Variants in PIGU observed in about 807,000 individuals in gnomAD.
PIGU encodes phosphatidylinositol glycan anchor biosynthesis class U.
A neutral mutation model predicts 49.9 loss-of-function variants in PIGU; 24 were observed. That is an observed-to-expected ratio of 0.48 (90% confidence interval 0.35 to 0.68). The LOEUF (loss-of-function observed/expected upper bound fraction) is 0.68, where lower values mean the gene tolerates loss of function less well. Ranked by LOEUF, PIGU falls within the 30% of genes least tolerant of loss-of-function variation. The pLI is 0.01. For synonymous variants in PIGU, 220 were observed against 205.7 expected, an observed-to-expected ratio of 1.07 and a Z score of -0.59; for missense variants, 490 against 532.6, an observed-to-expected ratio of 0.92 and a Z score of 0.79.
At chr20:34,658,706 C>T (rs1255785045) in intron 1 of PIGU, among the ~76,000 whole-genome samples, 1 of 149,724 alleles carries the variant, frequency 6.7e-6, no homozygotes, top group Non-Finnish European at 1.5e-5. Flanking sequence ...GTGAGGAGAC[C>T]CTCTGCCTGA....
chr20:34,626,536 C>T (rs993445696), intron 6 of PIGU, among the ~76,000 whole-genome samples: 2 of 152,038 alleles, frequency 1.3e-5, no homozygotes, highest in African/African-American at 2.4e-5. Context: ...CTCCTGACCT[C>T]GGGTGATCCA....
At chr20:34,661,109 GA>G (rs1986914132) in intron 1 of PIGU, among the ~76,000 whole-genome samples, 1 of 152,124 alleles carries the variant, frequency 6.6e-6, no homozygotes, top group African/African-American at 2.4e-5. Flanking sequence ...ATTCTTAAAT[GA>G]AAAGTAGGTC....
At chr20:34,565,102 A>C (rs1982687962) in intron 11 of PIGU, among the ~76,000 whole-genome samples, 1 of 152,234 alleles carries the variant, frequency 6.6e-6, no homozygotes, top group Admixed American at 6.5e-5. Flanking sequence ...CCCTTTGCCC[A>C]GTCTGGACAG....
chr20:34,637,155 G>A (rs1272770603), intron 5 of PIGU, among the ~76,000 whole-genome samples: 1 of 152,214 alleles, frequency 6.6e-6, no homozygotes, highest in Non-Finnish European at 1.5e-5. Context: ...GCAGAAGGTT[G>A]AGTAAACTAG....
chr20:34,633,808 A>C (rs1985871652), intron 6 of PIGU, among the ~76,000 whole-genome samples: 1 of 152,072 alleles, frequency 6.6e-6, no homozygotes, highest in Non-Finnish European at 1.5e-5. Flanking sequence ...ATCTCAGGCA[A>C]TCCAACCGCC....
In PIGU at chr20:34,573,392, C is replaced by T. The variant is rs116549676; in HGVS notation, c.1194+1712G>A. Among the ~76,000 whole-genome samples, 1,230 of 152,282 alleles carry T rather than the reference C, an allele frequency of 8.1e-3. 20 individuals carry two copies. The highest frequency in any genetic ancestry group is 0.028 in the African/African-American group (1,180 of 41,540). On this transcript the variant is annotated intron_variant, in intron 11 of 11. Coordinates refer to ENST00000217446, the MANE Select transcript of PIGU (RefSeq NM_080476.5). Reference sequence around the variant, plus strand: ...CAGTTTCTCCTGCCTTCAATGGCACCTGACCACTTGCAGACAACCCCCTGT... The same window carrying T: ...CAGTTTCTCCTGCCTTCAATGGCACTTGACCACTTGCAGACAACCCCCTGT...
chr20:34,634,272 A>G (rs949618699), intron 6 of PIGU, among the ~76,000 whole-genome samples: 3 of 151,884 alleles, frequency 2.0e-5, no homozygotes, highest in Admixed American at 6.6e-5. Context: ...AGCTCTTGCT[A>G]TGTTCCCCAG....
chr20:34,649,406 G>A (rs921841502), intron 2 of PIGU, among the ~76,000 whole-genome samples: 3 of 118,580 alleles, frequency 2.5e-5, no homozygotes, highest in Non-Finnish European at 5.4e-5. Flanking sequence ...TTTTTTTTCT[G>A]TGTTTTCTAT....
chr20:34,643,581 A>T (rs1296043989), intron 4 of PIGU: 2 of 152,340 alleles, frequency 1.3e-5, no homozygotes, highest in African/African-American at 4.8e-5. Context: ...TTAATCTGTT[A>T]ACTTTCTCAG....
At chr20:34,628,751 T>C (rs1453477442) in intron 6 of PIGU, among the ~76,000 whole-genome samples, 3 of 152,090 alleles carry the variant, frequency 2.0e-5, no homozygotes, top group Non-Finnish European at 4.4e-5. Flanking sequence ...CTTGAGAAGT[T>C]GAGGCACAAG....
chr20:34,586,841 T>G (rs528507715), intron 8 of PIGU, among the ~76,000 whole-genome samples: 1 of 152,154 alleles, frequency 6.6e-6, no homozygotes, highest in African/African-American at 2.4e-5. Flanking sequence ...CTGTTTAGAA[T>G]TGAGCCCAAA....
intron 8 of PIGU, among the ~76,000 whole-genome samples, chr20:34,586,601 T>C (rs764466413): frequency 2.0e-5 from 3 of 152,012 alleles, no homozygotes; most frequent in African/African-American, 4.8e-5. Flanking sequence ...CTGTCACCTA[T>C]TGGGCTGTGA....
At chr20:34,606,755 T>C (rs1984632193) in intron 7 of PIGU, among the ~76,000 whole-genome samples, 1 of 152,154 alleles carries the variant, frequency 6.6e-6, no homozygotes, top group South Asian at 2.1e-4. Context: ...GATTTTTGTT[T>C]GTTTGTTTTG....
chr20:34,593,677 G>A (rs962995909), intron 7 of PIGU, among the ~76,000 whole-genome samples: 1 of 152,164 alleles, frequency 6.6e-6, no homozygotes, highest in Non-Finnish European at 1.5e-5. Context: ...GGAAAAGGTT[G>A]AATTAGACCT....
chr20:34,666,525 A>AATTT (rs930108626), intron 1 of PIGU, among the ~76,000 whole-genome samples: 49 of 146,006 alleles, frequency 3.4e-4, no homozygotes, highest in Admixed American at 2.7e-3. Flanking sequence ...TTAATTAATT[A>AATTT]ATTTATTTAT....
At chr20:34,629,362 T>C (rs999560616) in intron 6 of PIGU, among the ~76,000 whole-genome samples, 3 of 152,214 alleles carry the variant, frequency 2.0e-5, no homozygotes, top group Non-Finnish European at 2.9e-5. Context: ...GCACATGTGA[T>C]GCAACCAGGA....
intron 7 of PIGU, among the ~76,000 whole-genome samples, chr20:34,590,787 C>T (rs1983937819): frequency 6.6e-6 from 1 of 152,102 alleles, no homozygotes; most frequent in Non-Finnish European, 1.5e-5. Flanking sequence ...CTTTGGGAGG[C>T]TGAGGCAAGC....
intron 7 of PIGU, among the ~76,000 whole-genome samples, chr20:34,588,893 G>GA (rs556222628): frequency 1.2e-3 from 181 of 152,108 alleles, no homozygotes; most frequent in African/African-American, 4.2e-3. Context: ...GGAATATCAA[G>GA]AAAAAATCCT....
At chr20:34,580,828 T>C (rs556581041) in intron 10 of PIGU, among the ~76,000 whole-genome samples, 1 of 152,224 alleles carries the variant, frequency 6.6e-6, no homozygotes, top group South Asian at 2.1e-4. Context: ...ACTGGGGGCC[T>C]AGGCAGCACA....
Sources: gnomAD v4.1 joint callset for allele counts (sites outside exome capture counted in the v4.1 genomes callset) on GRCh38, gnomAD v4.1.1 for gene constraint, MANE v1.5 for transcripts, NCBI Gene and HGNC (gene_info 2026-07-23, HGNC 2026-07-21) for gene names.